Variants in NIPBL observed in about 807,000 individuals in gnomAD.
NIPBL encodes the protein nipped-B-like protein.
A neutral mutation model predicts 321.8 loss-of-function variants in NIPBL; 19 were observed. The observed-to-expected ratio is 0.06, with a 90% confidence interval of 0.04 to 0.09. The LOEUF (loss-of-function observed/expected upper bound fraction) is 0.09, where lower values mean the gene tolerates loss of function less well. Among genes scored for constraint, NIPBL ranks in the 10% least tolerant of loss-of-function variants. NIPBL has a pLI of 1.00. For synonymous variants in NIPBL, 1,106 were observed against 1,114.1 expected (o/e 0.99, Z 0.14); for missense variants, 2,210 against 3,327.0 (o/e 0.66, Z 8.26).
At chr5:36,918,059 A>G (rs1323444921) in intron 1 of NIPBL, among the ~76,000 whole-genome samples, 2 of 152,174 alleles carry the variant, frequency 1.3e-5, no homozygotes, top group African/African-American at 4.8e-5. Flanking sequence ...AATTCTGTGA[A>G]GAAAGTCATT....
chr5:36,913,096 A>G (rs923184413), intron 1 of NIPBL, among the ~76,000 whole-genome samples: 2 of 152,228 alleles, frequency 1.3e-5, no homozygotes, highest in African/African-American at 4.8e-5. Flanking sequence ...ACCTGATTTG[A>G]TTGATTGATT....
Position 37,046,159 on chromosome 5 carries a change from C to G in NIPBL, c.6549C>G (p.His2183Gln). The G allele has an allele frequency of 6.3e-7, 1 of 1,581,800 alleles. No individual in the cohort carries two copies. Among genetic ancestry groups the G allele is most frequent in the Non-Finnish European group, 8.7e-7 (1 of 1,150,854 alleles). Residue 2183 changes from histidine (H) to glutamine (Q), a missense_variant, in exon 38 of 47, where the codon CAC becomes CAG. His to Gln is a conservative substitution (Grantham distance 24). Transcript: ENST00000282516. ...VLELLMYFTK[H>Q]SDEEVQTKAI... ...AACTATTGATGTATTTTACAAAACA[C>G]TCAGATGAAGAAGTACAAACAAAAG...
intron 45 of NIPBL, among the ~76,000 whole-genome samples, chr5:37,063,122 CGA>C (rs1273706667): frequency 6.6e-6 from 1 of 152,034 alleles, no homozygotes. Context: ...GCAGATCACT[CGA>C]GGCCAGAGGT....
At chr5:37,011,412 G>A (rs923636823) in intron 21 of NIPBL, among the ~76,000 whole-genome samples, 1 of 152,110 alleles carries the variant, frequency 6.6e-6, no homozygotes, top group African/African-American at 2.4e-5. Context: ...CAAATTAGCT[G>A]GTCATGTTGT....
chr5:36,883,411 C>A (rs1054872307), intron 1 of NIPBL, among the ~76,000 whole-genome samples: 1 of 151,782 alleles, frequency 6.6e-6, no homozygotes, highest in Non-Finnish European at 1.5e-5. Context: ...GAAGCTGTGA[C>A]ATAATTTTAA....
At chr5:37,049,364 T>C (rs1753288111) in intron 40 of NIPBL, 63 bp downstream of exon 40, 1 of 1,519,920 alleles carries the variant, frequency 6.6e-7, no homozygotes. Context: ...ATTTGATACA[T>C]TGTGATTATA....
At chr5:36,980,937 T>C (rs913503677) in intron 9 of NIPBL, among the ~76,000 whole-genome samples, 1 of 151,666 alleles carries the variant, frequency 6.6e-6, no homozygotes. Context: ...TGTATATTGG[T>C]CCAAGGGTGT....
intron 1 of NIPBL, among the ~76,000 whole-genome samples, chr5:36,882,232 A>G (rs928258979): frequency 6.6e-6 from 1 of 151,918 alleles, no homozygotes; most frequent in African/African-American, 2.4e-5. Context: ...AGTTTTAGAT[A>G]CTGTACAACG....
chr5:36,956,797 G>C (rs968823481), intron 3 of NIPBL, among the ~76,000 whole-genome samples: 3 of 151,278 alleles, frequency 2.0e-5, no homozygotes, highest in African/African-American at 7.3e-5. Context: ...GCTAATTTTT[G>C]TATTTTTAGT....
chr5:36,993,121 G>C (rs1463411664), intron 10 of NIPBL, among the ~76,000 whole-genome samples: 1 of 152,048 alleles, frequency 6.6e-6, no homozygotes, highest in African/African-American at 2.4e-5. Context: ...GAAAGGATGT[G>C]GTTAATTCAG....
intron 24 of NIPBL, among the ~76,000 whole-genome samples, chr5:37,018,471 A>G (rs779130038): frequency 1.1e-4 from 16 of 152,166 alleles, no homozygotes; most frequent in Non-Finnish European, 2.4e-4. Flanking sequence ...TTTCTAGAAC[A>G]AAAAGGTATT....
intron 1 of NIPBL, among the ~76,000 whole-genome samples, chr5:36,890,556 A>G (rs1437004364): frequency 6.6e-6 from 1 of 152,146 alleles, no homozygotes; most frequent in Non-Finnish European, 1.5e-5. Context: ...CTTGATGATA[A>G]ACAGTTGTGG....
At chr5:36,891,327 T>C (rs1180644751) in intron 1 of NIPBL, among the ~76,000 whole-genome samples, 1 of 152,016 alleles carries the variant, frequency 6.6e-6, no homozygotes, top group African/African-American at 2.4e-5. Context: ...TCTAATACAG[T>C]TTATAGACAG....
At chr5:36,907,329 A>AT (rs1286686489) in intron 1 of NIPBL, among the ~76,000 whole-genome samples, 1 of 152,134 alleles carries the variant, frequency 6.6e-6, no homozygotes, top group Non-Finnish European at 1.5e-5. Flanking sequence ...AGTCCCATAT[A>AT]TTTTTTCTCA....
At chr5:36,913,905 TAGTC>T (rs1326453148) in intron 1 of NIPBL, among the ~76,000 whole-genome samples, 1 of 152,198 alleles carries the variant, frequency 6.6e-6, no homozygotes, top group Non-Finnish European at 1.5e-5. Context: ...AACCCTGTAT[TAGTC>T]AGAATGGGAT....
intron 1 of NIPBL, among the ~76,000 whole-genome samples, chr5:36,910,694 A>G (rs373796431): frequency 3.9e-5 from 6 of 151,900 alleles, no homozygotes; most frequent in East Asian, 3.9e-4. Flanking sequence ...ACCTTTTTTT[A>G]GTGGTGGAGT....
intron 1 of NIPBL, among the ~76,000 whole-genome samples, chr5:36,881,739 C>A (rs1745521011): frequency 6.6e-6 from 1 of 151,906 alleles, no homozygotes; most frequent in Non-Finnish European, 1.5e-5. Context: ...AAATTGTGTA[C>A]TTCAGGCAAA....
At position 36,898,511 on chromosome 5, in the gene NIPBL, C is replaced by CTT. The variant is rs550485997; in HGVS notation, c.-80+21349_-80+21350dup. ...AATCAAACCTATGTTTTTCTGATTC[C>CTT]TTTTTTTTTTTTTTTTTGAGACGGA... is the stretch of plus-strand genomic sequence containing the variant. On this transcript the variant is annotated intron_variant, in intron 1 of 46. Transcript: ENST00000282516. Among the ~76,000 whole-genome samples, 297 of 135,356 alleles carry CTT rather than the reference C, an allele frequency of 2.2e-3. 2 individuals carry two copies. Among genetic ancestry groups the CTT allele is most frequent in the Middle Eastern group, 7.6e-3 (2 of 264 alleles). 88.8% of individuals were successfully genotyped at this position (135,356 alleles called of 152,430 possible).
At chr5:36,895,806 A>G (rs1038525966) in intron 1 of NIPBL, among the ~76,000 whole-genome samples, 1 of 152,170 alleles carries the variant, frequency 6.6e-6, no homozygotes, top group Non-Finnish European at 1.5e-5. Context: ...AAATTGGGTT[A>G]TCTGCCTTTT....
Sources: gnomAD v4.1 joint callset for allele counts (sites outside exome capture counted in the v4.1 genomes callset) on GRCh38, gnomAD v4.1.1 for gene constraint, MANE v1.5 for transcripts, NCBI Gene and HGNC (gene_info 2026-07-23, HGNC 2026-07-21) for gene names.